The following BICRAL variants were observed in gnomAD, a reference collection of about 807,000 sequenced individuals.
BICRAL encodes BRD4-interacting chromatin-remodeling complex-associated protein-like.
In BICRAL, 8 loss-of-function variants were observed where a neutral mutation model predicts 91.8. That is an observed-to-expected ratio of 0.09 (90% CI 0.05 to 0.16). BICRAL has a LOEUF of 0.16. Ranked by LOEUF, BICRAL falls within the 10% of genes least tolerant of loss-of-function variation. BICRAL has a pLI of 1.00. For missense variants in BICRAL, 1,038 were observed against 1,310.9 expected, an observed-to-expected ratio of 0.79 and a Z score of 3.21; for synonymous variants, 445 against 491.1, an observed-to-expected ratio of 0.91 and a Z score of 1.24.
At chr6:42,750,637 G>A (rs1215625703) in intron 1 of BICRAL, among the ~76,000 whole-genome samples, 3 of 152,022 alleles carry the variant, frequency 2.0e-5, no homozygotes, top group Non-Finnish European at 4.4e-5. Flanking sequence ...GTGCAATGGC[G>A]CGATCTCGGC....
At chr6:42,793,903 G>A (rs1763347726) in intron 1 of BICRAL, among the ~76,000 whole-genome samples, 1 of 150,306 alleles carries the variant, frequency 6.7e-6, no homozygotes, top group South Asian at 2.1e-4. Flanking sequence ...GATAATTTTT[G>A]TATTTTTGTA....
At chr6:42,802,421 G>GT (rs370280741) in intron 1 of BICRAL, among the ~76,000 whole-genome samples, 16,876 of 149,372 alleles carry the variant, frequency 0.11, 1,051 homozygotes, top group East Asian at 0.2. Flanking sequence ...AGCTTTTCGT[G>GT]TTTTTTTTTG....
chr6:42,836,855 A>G (rs894470559), intron 6 of BICRAL, among the ~76,000 whole-genome samples: 36 of 151,178 alleles, frequency 2.4e-4, no homozygotes, highest in African/African-American at 8.5e-4. Context: ...CTCCTGACCT[A>G]GTGCTCCACC....
Position 42,857,145 on chromosome 6 carries a change from T to G in BICRAL, c.2163T>G (p.Ser721Arg). The change falls in exon 10 of 13, where the codon AGT becomes AGG. Residue 721 changes from serine (S) to arginine (R), a missense_variant. Around this residue, in one of 5 missense-constraint regions of BICRAL, gnomAD observed 294 missense variants for 292.6 expected, o/e 1.00. Coordinates refer to ENST00000314073, the MANE Select transcript of BICRAL (RefSeq NM_001393499.1). Reference sequence around the variant, plus strand: ...CCCACACTGTGACACCAGACAAAAGTCACTTCCGATCACTAAGTGATGCGG... The same window carrying G: ...CCCACACTGTGACACCAGACAAAAGGCACTTCCGATCACTAAGTGATGCGG... ...DQAHTVTPDK[S>R]HFRSLSDAVQ... The G allele has an allele frequency of 6.2e-7, 1 of 1,613,448 alleles. No homozygotes were observed. The highest frequency in any genetic ancestry group is 8.5e-7 in the Non-Finnish European group (1 of 1,179,480).
chr6:42,803,642 A>C (rs1409653331), intron 1 of BICRAL, among the ~76,000 whole-genome samples: 5 of 152,246 alleles, frequency 3.3e-5, no homozygotes, highest in Admixed American at 2.6e-4. Context: ...CATTGCACTA[A>C]ACTCTGCTAA....
intron 10 of BICRAL, among the ~76,000 whole-genome samples, chr6:42,859,261 G>A (rs1022133406): frequency 2.0e-5 from 3 of 151,228 alleles, no homozygotes; most frequent in Admixed American, 6.6e-5. Context: ...GCATGGTGGT[G>A]CACACCTGTA....
intron 1 of BICRAL, among the ~76,000 whole-genome samples, chr6:42,797,367 G>C (rs1001357862): frequency 6.6e-6 from 1 of 151,972 alleles, no homozygotes; most frequent in Admixed American, 6.6e-5. Flanking sequence ...TAAGGCCAAA[G>C]TATTTGAATT....
Position 42,840,945 on chromosome 6 carries a change from A to G in BICRAL, c.1839+10773A>G, listed in dbSNP as rs183494981. On this transcript the variant is annotated intron_variant, in intron 6 of 12. Coordinates refer to ENST00000314073, the MANE Select transcript of BICRAL (RefSeq NM_001393499.1). ...AAAAATTAACCAGGTGTGGTGGGGCATGCCTGTATAATACCACCTACTCAG... is the reference window on the plus strand; with the variant it reads ...AAAAATTAACCAGGTGTGGTGGGGCGTGCCTGTATAATACCACCTACTCAG... Among the ~76,000 whole-genome samples the G allele has an allele frequency of 2.5e-3, 375 of 151,182 alleles. 1 individual carries two copies. Among genetic ancestry groups the G allele is most frequent in the Non-Finnish European group, 4.1e-3 (276 of 67,806 alleles).
In BICRAL at chr6:42,818,842, CT is replaced by C. The variant is rs542857601; in HGVS notation, c.-5-3174del. ...AAACGTCATTTTTACACTGTGTCCT[CT>C]TGATTAAAAGCTATTATTTAAGATG... On this transcript the variant is annotated intron_variant, in intron 2 of 12. Coordinates refer to ENST00000314073, the MANE Select transcript of BICRAL (RefSeq NM_001393499.1). Among the ~76,000 whole-genome samples, 194 of 152,274 alleles carry C rather than the reference CT, an allele frequency of 1.3e-3. 1 individual carries two copies. The highest frequency in any genetic ancestry group is 2.0e-3 in the Non-Finnish European group (139 of 68,020).
In BICRAL at chr6:42,865,155, T is replaced by C. The variant is rs764094999; in HGVS notation, c.2949T>C (p.Asn983=). The change falls in exon 13 of 13, where the codon AAT becomes AAC. Residue 983 remains asparagine, a synonymous_variant. Coordinates refer to ENST00000314073, the MANE Select transcript of BICRAL (RefSeq NM_001393499.1). ...QDKSLRNSPK[N]EVLHTDIMKG... is the part of the protein sequence containing the mutation. ...AAAGTCTGAGGAATTCTCCAAAGAA[T>C]GAAGTTTTACACACAGACATCATGA... 6 of 1,614,152 alleles carry C rather than the reference T, an allele frequency of 3.7e-6. No individual in the cohort carries two copies. Among genetic ancestry groups the C allele is most frequent in the Non-Finnish European group, 5.1e-6 (6 of 1,180,032 alleles).
chr6:42,848,105 G>A (rs974527771), intron 6 of BICRAL, among the ~76,000 whole-genome samples: 1 of 151,394 alleles, frequency 6.6e-6, no homozygotes, highest in Non-Finnish European at 1.5e-5. Context: ...CTCCAGCCTG[G>A]GCGACAGAGT....
At chr6:42,815,786 G>A (rs1242373759) in intron 2 of BICRAL, among the ~76,000 whole-genome samples, 2 of 150,350 alleles carry the variant, frequency 1.3e-5, no homozygotes, top group African/African-American at 4.9e-5. Flanking sequence ...TCAGGAGTTC[G>A]AGACTAGCCT....
upstream of BICRAL, among the ~76,000 whole-genome samples, chr6:42,779,676 G>C (rs1762858460): frequency 6.6e-6 from 1 of 152,082 alleles, no homozygotes; most frequent in Non-Finnish European, 1.5e-5. Flanking sequence ...GTTTTTCTTT[G>C]TTTGTTTTTT....
chr6:42,812,145 A>G (rs534945206), intron 2 of BICRAL, among the ~76,000 whole-genome samples: 1 of 152,228 alleles, frequency 6.6e-6, no homozygotes, highest in Non-Finnish European at 1.5e-5. Flanking sequence ...TGCAGAAATT[A>G]TACAAATGAT....
chr6:42,755,905 C>T (rs916040895), intron 1 of BICRAL, among the ~76,000 whole-genome samples: 20 of 151,950 alleles, frequency 1.3e-4, no homozygotes, highest in African/African-American at 4.6e-4. Flanking sequence ...AACTCCTGAG[C>T]TCAGGAAATC....
At position 42,864,698 on chromosome 6, in the gene BICRAL, A is replaced by G; in HGVS notation, c.2492A>G (p.Asp831Gly). 6.2e-7 allele frequency: 1 copy of G among 1,614,042 alleles called. No individual in the cohort carries two copies. Among genetic ancestry groups the G allele is most frequent in the Non-Finnish European group, 8.5e-7 (1 of 1,179,998 alleles). ...QADFCCSFKLDKAAHETQFGR... is the reference protein window; with the variant it reads ...QADFCCSFKLGKAAHETQFGR... ...GATTTCTGTTGTTCCTTCAAACTTGATAAAGCTGCTCATGAGACACAGTTT... is the reference window on the plus strand; with the variant it reads ...GATTTCTGTTGTTCCTTCAAACTTGGTAAAGCTGCTCATGAGACACAGTTT... Residue 831 changes from aspartate to glycine, a missense_variant, in exon 13 of 13, where the codon GAT becomes GGT. Around this residue, in one of 5 missense-constraint regions of BICRAL, gnomAD observed 294 missense variants for 292.6 expected, o/e 1.00. Coordinates refer to ENST00000314073, the MANE Select transcript of BICRAL (RefSeq NM_001393499.1).
At chr6:42,755,049 C>T (rs1293824614) in intron 1 of BICRAL, among the ~76,000 whole-genome samples, 1 of 152,174 alleles carries the variant, frequency 6.6e-6, no homozygotes, top group African/African-American at 2.4e-5. Flanking sequence ...GTTTCTGCGT[C>T]CTCTATAAAG....
At chr6:42,789,979 G>A (rs989089776) in intron 1 of BICRAL, among the ~76,000 whole-genome samples, 6 of 152,162 alleles carry the variant, frequency 3.9e-5, no homozygotes, top group Non-Finnish European at 5.9e-5. Context: ...GGAATCAAAA[G>A]GAAAACAGTA....
intron 1 of BICRAL, among the ~76,000 whole-genome samples, chr6:42,803,774 G>A (rs568277992): frequency 9.9e-5 from 15 of 152,230 alleles, no homozygotes; most frequent in Non-Finnish European, 1.5e-4. Flanking sequence ...GAAATGCGTC[G>A]CTAGACAATT....
Sources: allele counts gnomAD v4.1 joint callset (sites outside exome capture counted in the v4.1 genomes callset), GRCh38; gene constraint gnomAD v4.1.1; regional missense constraint gnomAD v4.1.1; transcripts MANE v1.5; gene names NCBI Gene and HGNC (gene_info 2026-07-23, HGNC 2026-07-21).